Variants in GLIS3 observed in about 807,000 individuals in gnomAD.
The protein encoded by GLIS3 is GLIS family zinc finger 3, also known as zinc finger protein GLIS3.
Under a neutral mutation model 78.6 loss-of-function variants are expected in GLIS3, and 53 were observed. The observed-to-expected ratio is 0.67, with a 90% CI of 0.54 to 0.85. The LOEUF is 0.85. Among genes scored for constraint, GLIS3 ranks in the 40% least tolerant of loss-of-function variants. GLIS3 has a pLI of 0.00. For missense variants in GLIS3, 1,703 were observed against 1,231.1 expected, an observed-to-expected ratio of 1.38 and a Z score of -5.74; for synonymous variants, 684 against 509.9, an observed-to-expected ratio of 1.34 and a Z score of -4.60.
the GLIS3 span, among the ~76,000 whole-genome samples, chr9:4,434,592 G>A: frequency 6.6e-6 from 1 of 152,128 alleles, no homozygotes; most frequent in Non-Finnish European, 1.5e-5. Context: ...TGATAGGTGG[G>A]TGAGTGGATG....
intron 2 of GLIS3, among the ~76,000 whole-genome samples, chr9:4,246,596 G>A (rs572615063): frequency 6.6e-6 from 1 of 152,124 alleles, no homozygotes; most frequent in South Asian, 2.1e-4. Context: ...CTGCAGCAAA[G>A]CATTTTCCAA....
Position 4,118,568 on chromosome 9 carries a change from A to G in GLIS3, c.910T>C (p.Ser304Pro), listed in dbSNP as rs567792321. The change falls in exon 4 of 11, where the codon TCC becomes CCC. Residue 304 changes from serine (S) to proline (P), a missense_variant. Transcript: ENST00000381971. This position sits in a 1 kb window ranked among gnomAD's most constrained non-coding sequence, Gnocchi z 4.7. ...HSARSKKRAL[S>P]LSPLSDGIGI... is the part of the protein sequence containing the mutation. ...ATGCCATCGGACAGCGGGGACAAGG[A>G]CAGCGCTCTCTTCTTGGAGCGGGCC... is the stretch of plus-strand genomic sequence containing the variant. The G allele has an allele frequency of 3.1e-6, 5 of 1,614,224 alleles. No individual in the cohort carries two copies. In the South Asian group the frequency reaches 4.4e-5, roughly 14 times the overall value.
chr9:4,260,561 T>C (rs1328452287), intron 2 of GLIS3, among the ~76,000 whole-genome samples: 1 of 116,132 alleles, frequency 8.6e-6, no homozygotes, highest in Admixed American at 8.8e-5. Context: ...AGTGAGACTC[T>C]GTCTCAAAAA....
chr9:4,385,954 G>C, the GLIS3 span, among the ~76,000 whole-genome samples: 2 of 152,142 alleles, frequency 1.3e-5, no homozygotes, highest in African/African-American at 4.8e-5. Flanking sequence ...ACTTAGCAGA[G>C]AATGCTTCAG....
rs1217553223 is a variant in GLIS3, at chr9:3,836,743, A to G, written c.2474-7251T>C. On this transcript the variant is annotated intron_variant, in intron 9 of 10. Coordinates refer to ENST00000381971, the MANE Select transcript of GLIS3 (RefSeq NM_001042413.2). Reference sequence around the variant, plus strand: ...AGCAAGACGAGAGCCATATGCTGACAGCCACACCAGGGTTGCTGTTTCCCC... The same window carrying G: ...AGCAAGACGAGAGCCATATGCTGACGGCCACACCAGGGTTGCTGTTTCCCC... Among the ~76,000 whole-genome samples, 5 of 152,310 alleles carry G rather than the reference A, an allele frequency of 3.3e-5. No homozygotes were observed. The South Asian group carries it at 1.0e-3, about 32-fold the overall frequency.
At chr9:4,072,364 G>T (rs1588603666) in intron 4 of GLIS3, among the ~76,000 whole-genome samples, 1 of 152,304 alleles carries the variant, frequency 6.6e-6, no homozygotes, top group East Asian at 1.9e-4. Flanking sequence ...TAAGCCCTTA[G>T]TTGACAAGTC....
At chr9:4,158,445 TAAGA>T (rs934987842) in intron 2 of GLIS3, among the ~76,000 whole-genome samples, 5 of 152,194 alleles carry the variant, frequency 3.3e-5, no homozygotes, top group African/African-American at 1.2e-4. Flanking sequence ...GGGTCGAGAT[TAAGA>T]AAGAAGAGCT....
At chr9:4,368,342 T>G in the GLIS3 span, among the ~76,000 whole-genome samples, 1 of 150,782 alleles carries the variant, frequency 6.6e-6, no homozygotes, top group African/African-American at 2.4e-5. Flanking sequence ...AACCCTGTTT[T>G]TTTTTTTTTT....
At chr9:3,915,991 A>AT (rs1824485926) in intron 6 of GLIS3, among the ~76,000 whole-genome samples, 2 of 152,334 alleles carry the variant, frequency 1.3e-5, no homozygotes, top group South Asian at 4.1e-4. Context: ...AGAAAATCAG[A>AT]TTTTTTAAAA....
chr9:4,273,283 T>C (rs1230846195), intron 2 of GLIS3, among the ~76,000 whole-genome samples: 2 of 152,148 alleles, frequency 1.3e-5, no homozygotes, highest in African/African-American at 4.8e-5. Flanking sequence ...TTACCTGCCC[T>C]ACCAGTTTGC....
intron 2 of GLIS3, among the ~76,000 whole-genome samples, chr9:4,332,993 T>C (rs919050577): frequency 6.6e-6 from 1 of 152,244 alleles, no homozygotes; most frequent in Non-Finnish European, 1.5e-5. Flanking sequence ...TTTATAGCAT[T>C]GAGTGCTTAC....
the GLIS3 span, among the ~76,000 whole-genome samples, chr9:4,415,662 TACA>T: frequency 1.3e-5 from 2 of 152,226 alleles, no homozygotes; most frequent in Non-Finnish European, 2.9e-5. Context: ...AATGTGACCT[TACA>T]ACAATAGATT....
At chr9:3,962,955 G>C (rs544153466) in intron 4 of GLIS3, among the ~76,000 whole-genome samples, 17 of 151,050 alleles carry the variant, frequency 1.1e-4, no homozygotes, top group Middle Eastern at 3.4e-3. Flanking sequence ...AAGGGGGGGG[G>C]GGGGAGAGAG....
Position 4,025,255 on chromosome 9 carries a change from A to AAAAAG in GLIS3, c.1711-88071_1711-88067dup, listed in dbSNP as rs551889508. Among the ~76,000 whole-genome samples, 118 of 152,272 alleles carry AAAAAG rather than the reference A, an allele frequency of 7.7e-4. 1 individual carries two copies. The highest frequency in any genetic ancestry group is 7.3e-3 in the South Asian group (35 of 4,818). ...CAACAGTGAGACTCCGTCTCAAAAA[A>AAAAAG]AAAAGAAAAGAAAAGAACGTACTCA... On this transcript the variant is annotated intron_variant, in intron 4 of 10. Transcript: ENST00000381971.
chr9:4,447,204 T>G, the GLIS3 span, among the ~76,000 whole-genome samples: 2 of 152,108 alleles, frequency 1.3e-5, no homozygotes, highest in African/African-American at 4.8e-5. Context: ...TGTGCCACCA[T>G]GCCTGGCTAA....
intron 2 of GLIS3, among the ~76,000 whole-genome samples, chr9:4,240,126 G>A (rs7035478): frequency 0.39 from 57,689 of 148,602 alleles, 11,294 homozygotes; most frequent in Middle Eastern, 0.48. Flanking sequence ...CTAAAGCAGC[G>A]GTCTCCAACC....
chr9:4,110,820 T>G (rs186490400), intron 4 of GLIS3, among the ~76,000 whole-genome samples: 227 of 152,288 alleles, frequency 1.5e-3, no homozygotes, highest in African/African-American at 5.2e-3. Context: ...AACATCTCTT[T>G]CCCAAATCAT....
At chr9:3,874,836 A>G (rs541489905) in intron 8 of GLIS3, among the ~76,000 whole-genome samples, 5 of 152,276 alleles carry the variant, frequency 3.3e-5, no homozygotes, top group African/African-American at 1.2e-4. Flanking sequence ...CTTTCTTTTC[A>G]GTCTTTTCTG....
the GLIS3 span, among the ~76,000 whole-genome samples, chr9:4,374,151 T>C: frequency 6.6e-6 from 1 of 152,220 alleles, no homozygotes; most frequent in Admixed American, 6.5e-5. Flanking sequence ...GAGAAGGACC[T>C]GCTTGTTGAA....
Sources: gnomAD v4.1 joint callset for allele counts (sites outside exome capture counted in the v4.1 genomes callset) on GRCh38, gnomAD v4.1.1 for gene constraint, Gnocchi (gnomAD v3.1) non-coding constraint, MANE v1.5 for transcripts, NCBI Gene and HGNC (gene_info 2026-07-23, HGNC 2026-07-21) for gene names.